Variants in ZFPM2 observed in about 807,000 individuals in gnomAD.
ZFPM2 encodes the protein zinc finger protein, FOG family member 2, also known as zinc finger protein ZFPM2.
ZFPM2 carries 20 observed loss-of-function variants against 98.6 expected under a neutral mutation model. That is an observed-to-expected ratio of 0.20 (90% CI 0.14 to 0.29). The LOEUF (loss-of-function observed/expected upper bound fraction) is 0.29, where lower values mean the gene tolerates loss of function less well. ZFPM2 is among the 10% of genes least tolerant of loss of function. ZFPM2 has a pLI of 1.00. For synonymous variants in ZFPM2, 518 were observed against 502.7 expected, an observed-to-expected ratio of 1.03 and a Z score of -0.41; for missense variants, 1,310 against 1,388.6, an observed-to-expected ratio of 0.94 and a Z score of 0.90.
chr8:105,498,042 A>AC (rs1432887666), intron 3 of ZFPM2, among the ~76,000 whole-genome samples: 66 of 151,488 alleles, frequency 4.4e-4, no homozygotes, highest in African/African-American at 1.5e-3. Flanking sequence ...AAAAAAAAAA[A>AC]AAAACAAAAT....
chr8:105,657,736 A>T (rs1434113115), intron 5 of ZFPM2, among the ~76,000 whole-genome samples: 2 of 152,206 alleles, frequency 1.3e-5, no homozygotes, highest in Non-Finnish European at 2.9e-5. Context: ...CTAAGAGTAT[A>T]TTTTGGCCAA....
intron 5 of ZFPM2, among the ~76,000 whole-genome samples, chr8:105,720,271 C>T (rs1434624446): frequency 2.0e-5 from 3 of 151,854 alleles, no homozygotes; most frequent in Non-Finnish European, 2.9e-5. Context: ...CCACCTGATC[C>T]TGCTGTATCA....
chr8:105,558,072 A>ATCT (rs10662475), intron 3 of ZFPM2, among the ~76,000 whole-genome samples: 105,552 of 151,748 alleles, frequency 0.7, 38,181 homozygotes, highest in African/African-American at 0.92. Flanking sequence ...TGGTGTAAAA[A>ATCT]TCTTACTTTT....
At chr8:105,326,207 A>G (rs1812112476) in intron 1 of ZFPM2, among the ~76,000 whole-genome samples, 1 of 151,766 alleles carries the variant, frequency 6.6e-6, no homozygotes, top group Non-Finnish European at 1.5e-5. Flanking sequence ...TCCTACAAAT[A>G]TAATAAAAGA....
At chr8:105,710,536 A>T (rs1811360201) in intron 5 of ZFPM2, among the ~76,000 whole-genome samples, 1 of 152,176 alleles carries the variant, frequency 6.6e-6, no homozygotes, top group South Asian at 2.1e-4. Flanking sequence ...CTATCTTCAA[A>T]TTGAGAGATA....
chr8:105,718,912 A>T lies in ZFPM2; in HGVS notation c.533-69806A>T, dbSNP rs185345105. ...ACTTTATGTTACAAATGAGACCCAC[A>T]TGTAGAGAGATGACTTATTAAAGAT... is the stretch of plus-strand genomic sequence containing the variant. On this transcript the variant is annotated intron_variant, in intron 5 of 7. Transcript: ENST00000407775. 1.7e-3 allele frequency among the ~76,000 whole-genome samples: 253 copies of T among 151,946 alleles called. 1 individual carries two copies. The highest frequency in any genetic ancestry group is 5.8e-3 in the African/African-American group (242 of 41,514).
intron 5 of ZFPM2, among the ~76,000 whole-genome samples, chr8:105,713,364 A>G (rs1811447684): frequency 6.6e-6 from 1 of 151,914 alleles, no homozygotes; most frequent in Non-Finnish European, 1.5e-5. Context: ...CCACTTTTTA[A>G]TAGGGTTATT....
rs569305438 is a variant in ZFPM2 at position 105,770,794 on chromosome 8, G to A, written c.533-17924G>A. ...CCAAAACAAACATCAAGCAATCAAA[G>A]GAGCAAATATAGCAAAACAAACAAC... On this transcript the variant is annotated intron_variant, in intron 5 of 7. Coordinates refer to ENST00000407775, the MANE Select transcript of ZFPM2 (RefSeq NM_012082.4). Among the ~76,000 whole-genome samples the A allele has an allele frequency of 4.1e-4, 62 of 152,228 alleles. 1 individual carries two copies. Among genetic ancestry groups the A allele is most frequent in the African/African-American group, 1.3e-3 (56 of 41,566 alleles).
intron 1 of ZFPM2, among the ~76,000 whole-genome samples, chr8:105,345,671 T>C (rs1417645078): frequency 6.6e-6 from 1 of 152,144 alleles, no homozygotes; most frequent in Non-Finnish European, 1.5e-5. Flanking sequence ...CAGACACAGC[T>C]GTTCAGATCA....
At chr8:105,660,508 A>T (rs1488404555) in intron 5 of ZFPM2, among the ~76,000 whole-genome samples, 7 of 152,232 alleles carry the variant, frequency 4.6e-5, no homozygotes, top group Non-Finnish European at 7.3e-5. Context: ...AGTATCATAC[A>T]TGTGTAAAAA....
At chr8:105,687,256 A>G (rs757229735) in intron 5 of ZFPM2, among the ~76,000 whole-genome samples, 2 of 152,156 alleles carry the variant, frequency 1.3e-5, no homozygotes, top group Non-Finnish European at 2.9e-5. Context: ...TAAGAAATAT[A>G]TGCTGTTGTT....
intron 5 of ZFPM2, among the ~76,000 whole-genome samples, chr8:105,677,027 A>G (rs1810486903): frequency 6.6e-6 from 1 of 152,130 alleles, no homozygotes. Flanking sequence ...CTAGTTTTTC[A>G]GTCCAGGTAT....
chr8:105,761,653 C>T (rs554853641), intron 5 of ZFPM2, among the ~76,000 whole-genome samples: 2 of 151,866 alleles, frequency 1.3e-5, no homozygotes, highest in East Asian at 1.9e-4. Flanking sequence ...ATTTGACGCA[C>T]GGGCTTGTCT....
chr8:105,330,617 T>TATATATACAC (rs1563606955), intron 1 of ZFPM2, among the ~76,000 whole-genome samples: 42 of 58,852 alleles, frequency 7.1e-4, no homozygotes, highest in African/African-American at 3.8e-3. Context: ...TATACACATA[T>TATATATACAC]ATATATATAT....
chr8:105,347,379 T>C (rs1812559212), intron 1 of ZFPM2, among the ~76,000 whole-genome samples: 1 of 152,190 alleles, frequency 6.6e-6, no homozygotes, highest in Admixed American at 6.5e-5. Flanking sequence ...ACAAAGTTGC[T>C]TTACTTTTAC....
chr8:105,796,087 G>A (rs567657572), intron 6 of ZFPM2, among the ~76,000 whole-genome samples: 1 of 152,286 alleles, frequency 6.6e-6, no homozygotes, highest in South Asian at 2.1e-4. Context: ...AAATTACTGT[G>A]CATTCAATCA....
chr8:105,505,556 C>T (rs767626694), intron 3 of ZFPM2, among the ~76,000 whole-genome samples: 21 of 151,850 alleles, frequency 1.4e-4, no homozygotes, highest in Non-Finnish European at 2.7e-4. Flanking sequence ...TTTCTGTTGA[C>T]ATTCTAATAA....
chr8:105,474,079 T>C (rs1216970691), intron 3 of ZFPM2, among the ~76,000 whole-genome samples: 2 of 152,232 alleles, frequency 1.3e-5, no homozygotes, highest in Non-Finnish European at 2.9e-5. Context: ...GATGATATAC[T>C]TGATAGTCCA....
chr8:105,616,801 T>TG, intron 4 of ZFPM2: 1 of 224,770 alleles, frequency 4.4e-6, no homozygotes, highest in Non-Finnish European at 8.9e-6. Flanking sequence ...GTGGATCACC[T>TG]AGGACCAGGA....
Sources: allele counts gnomAD v4.1 joint callset (sites outside exome capture counted in the v4.1 genomes callset), GRCh38; gene constraint gnomAD v4.1.1; transcripts MANE v1.5; gene names NCBI Gene and HGNC (gene_info 2026-07-23, HGNC 2026-07-21).